TRMT13: variants seen among roughly 807,000 people sequenced by gnomAD.
TRMT13 encodes tRNA:m(4)X modification enzyme TRM13 homolog.
In TRMT13, 45 loss-of-function variants were observed where a neutral mutation model predicts 55.9. The ratio of observed to expected loss-of-function variants is 0.80; its 90% CI spans 0.63 to 1.03. The LOEUF (loss-of-function observed/expected upper bound fraction) is 1.03, where lower values mean the gene tolerates loss of function less well. Ranked by LOEUF, TRMT13 falls within the 50% of genes least tolerant of loss-of-function variation. The pLI, the probability that TRMT13 is intolerant of heterozygous loss-of-function variation, is 0.00. For synonymous variants in TRMT13, 183 were observed against 196.3 expected (o/e 0.93, Z 0.57); for missense variants, 513 against 563.9 (o/e 0.91, Z 0.91).
chr1:100,134,751 A>G (rs934378141), intron 1 of TRMT13, among the ~76,000 whole-genome samples: 58 of 152,376 alleles, frequency 3.8e-4, no homozygotes, highest in African/African-American at 1.3e-3. Flanking sequence ...ACAAATAGTG[A>G]TGATAGTAGA....
intron 8 of TRMT13, among the ~76,000 whole-genome samples, 173 bp from the exon 9 acceptor site, chr1:100,143,896 T>C (rs1439194141): frequency 6.6e-6 from 1 of 152,164 alleles, no homozygotes; most frequent in East Asian, 1.9e-4. Flanking sequence ...CTTTCTGATG[T>C]TATGAACCCT....
At position 100,139,669 on chromosome 1, in the gene TRMT13, T is replaced by C; in HGVS notation, c.282T>C (p.Ile94=). The C allele has an allele frequency of 6.5e-7, 1 of 1,543,170 alleles. No individual in the cohort carries two copies. The highest frequency in any genetic ancestry group is 1.1e-5 in the South Asian group (1 of 88,952). The change falls in exon 4 of 11, where the codon ATT becomes ATC. Residue 94 remains isoleucine (I), a synonymous_variant. Coordinates refer to ENST00000370141, the MANE Select transcript of TRMT13 (RefSeq NM_019083.3). ...TTAAGGATTTCTATATTCAAGATAT[T>C]AATGCAGGCTTAAGAGATGAAACAG... ...KPKPDFYIQD[I]NAGLRDETEI...
In TRMT13 at chr1:100,133,283, A is replaced by C. The variant is rs769352328; in HGVS notation, c.115A>C (p.Arg39=). Residue 39 remains arginine, a synonymous_variant, in exon 1 of 11, where the codon AGA becomes CGA. Coordinates refer to ENST00000370141, the MANE Select transcript of TRMT13 (RefSeq NM_019083.3). ...CAGGATGGTGGTGGCCGCAGGGAAA[A>C]GATTTTGTGGTGAACACGCTGGAGC... ...FCRMVVAAGK[R]FCGEHAGAAE... The C allele has an allele frequency of 5.0e-6, 8 of 1,613,980 alleles. No homozygotes were observed. In the Admixed American group the frequency reaches 6.7e-5, roughly 13 times the overall value.
chr1:100,133,479 A>G (rs1454453003), intron 1 of TRMT13, among the ~76,000 whole-genome samples, 164 bp downstream of exon 1: 1 of 152,098 alleles, frequency 6.6e-6, no homozygotes, highest in Admixed American at 6.5e-5. Context: ...CGGAGCGATT[A>G]TGAGTTCTAG....
At chr1:100,138,112 G>A (rs1473981933) in intron 3 of TRMT13, among the ~76,000 whole-genome samples, 1 of 152,182 alleles carries the variant, frequency 6.6e-6, no homozygotes, top group East Asian at 1.9e-4. Flanking sequence ...ATGGAGAAAA[G>A]CGGTGGAATG....
intron 1 of TRMT13, among the ~76,000 whole-genome samples, chr1:100,136,159 G>T (rs1655832487): frequency 6.6e-6 from 1 of 152,168 alleles, no homozygotes; most frequent in Non-Finnish European, 1.5e-5. Flanking sequence ...TGTAACTTAG[G>T]AATGAGTAGG....
Position 100,149,510 on chromosome 1 carries a change from ATACT to A in TRMT13, c.*694_*697del. The A allele has an allele frequency of 1.5e-6, 2 of 1,359,950 alleles. No individual in the cohort carries two copies. The highest frequency in any genetic ancestry group is 1.5e-5 in the African/African-American group (1 of 67,510). 84.2% of individuals were successfully genotyped at this position (1,359,950 alleles called of 1,614,324 possible). A position where few individuals can be genotyped will look rare whatever the true frequency, so the allele number is the denominator to read the frequency against. On this transcript the variant is annotated 3_prime_UTR_variant, in exon 11 of 11. Coordinates refer to ENST00000370141, the MANE Select transcript of TRMT13 (RefSeq NM_019083.3). ...TTGTCTAGTTAGAACTTCCAAAAAG[ATACT>A]TACAAACATAATTCACAAATTTGAA...
rs954096807 is a variant in TRMT13, at chr1:100,149,045, T to C, written c.*225T>C. The C allele has an allele frequency of 6.3e-7, 1 of 1,589,020 alleles. No homozygotes were observed. Among genetic ancestry groups the C allele is most frequent in the Non-Finnish European group, 8.5e-7 (1 of 1,170,710 alleles). On this transcript the variant is annotated 3_prime_UTR_variant, in exon 11 of 11. Transcript: ENST00000370141. ...TAGAAGGGCATCTTGAATTATATTA[T>C]CCATCCGTATTTATGGAGATTGGTA... is the stretch of plus-strand genomic sequence containing the variant.
rs749886415 is a variant in TRMT13, at chr1:100,140,512, C to T, written c.499C>T (p.Gln167Ter). ...TTCTGCAACCAAGCACCTGAAACAGCAGGTATGTTTAGGCTATAGTAACTA... is the reference window on the plus strand; with the variant it reads ...TTCTGCAACCAAGCACCTGAAACAGTAGGTATGTTTAGGCTATAGTAACTA... ...GDSATKHLKQ[Q>*]ASILGNIENL... Residue 167 changes from glutamine to a stop codon, truncating the protein, a stop_gained and splice_region_variant, in exon 6 of 11, where the codon CAG (glutamine) becomes TAG (stop). Transcript: ENST00000370141. LOFTEE classifies it high-confidence loss of function. The T allele has an allele frequency of 6.2e-7, 1 of 1,609,088 alleles. No homozygotes were observed. The highest frequency in any genetic ancestry group is 2.2e-5 in the East Asian group (1 of 44,842).
At chr1:100,144,165 G>A in intron 9 of TRMT13, 22 bp downstream of exon 9, 2 of 1,600,116 alleles carry the variant, frequency 1.2e-6, no homozygotes, top group Non-Finnish European at 1.7e-6. Context: ...TACTGATAAT[G>A]TTTACATTAA....
At chr1:100,148,417 A>G (rs1161241569) in intron 10 of TRMT13, 91 bp downstream of exon 10, 1 of 1,310,400 alleles carries the variant, frequency 7.6e-7, no homozygotes, top group African/African-American at 1.5e-5. Flanking sequence ...ATTCATGAAA[A>G]TGTATTTTAT....
At chr1:100,141,703 G>A (rs1254004049) in intron 7 of TRMT13, among the ~76,000 whole-genome samples, 1 of 152,188 alleles carries the variant, frequency 6.6e-6, no homozygotes, top group Non-Finnish European at 1.5e-5. Context: ...GTTAAAATAC[G>A]AGAAAGGTCT....
chr1:100,143,525 A>G lies in TRMT13; in HGVS notation c.742+316A>G, dbSNP rs1570743421. On this transcript the variant is annotated intron_variant, in intron 8 of 10. Coordinates refer to ENST00000370141, the MANE Select transcript of TRMT13 (RefSeq NM_019083.3). ...TTTGAGTCTGTTCAAACTATAAACT[A>G]GCCTTCTGCCTGCAGTTAACGTGAC... Among the ~76,000 whole-genome samples, 3 of 152,312 alleles carry G rather than the reference A, an allele frequency of 2.0e-5. 1 individual carries two copies. In the South Asian group the frequency reaches 6.2e-4, roughly 32 times the overall value.
intron 7 of TRMT13, among the ~76,000 whole-genome samples, chr1:100,142,015 A>G (rs1391066535): frequency 2.6e-5 from 4 of 152,234 alleles, no homozygotes; most frequent in African/African-American, 9.6e-5. Context: ...TATGCTAAGG[A>G]AGGAGTTTGA....
chr1:100,148,405 C>A, intron 10 of TRMT13, 79 bp downstream of exon 10: 1 of 1,350,638 alleles, frequency 7.4e-7, no homozygotes, highest in Non-Finnish European at 1.0e-6. Context: ...CTATTATCAA[C>A]AATTCATGAA....
At chr1:100,146,198 GA>G (rs1006900493) in intron 9 of TRMT13, among the ~76,000 whole-genome samples, 5 of 152,120 alleles carry the variant, frequency 3.3e-5, no homozygotes, top group African/African-American at 4.8e-5. Flanking sequence ...CCTTAAATAA[GA>G]TATGCCTCCT....
chr1:100,148,095 G>A lies in TRMT13; in HGVS notation c.1019G>A (p.Cys340Tyr). ...ATTGCACTCTGTTGTCACCACAGGT[G>A]TGATTGGAGACATTATGTGGGCAAA... ...IVIALCCHHRCDWRHYVGKEY... is the reference protein window; with the variant it reads ...IVIALCCHHRYDWRHYVGKEY... Residue 340 changes from cysteine to tyrosine, a missense_variant, in exon 10 of 11, where the codon TGT becomes TAT. This residue lies in a region of TRMT13 where 209 missense variants were observed against 255.8 expected (regional missense o/e 0.82). Coordinates refer to ENST00000370141, the MANE Select transcript of TRMT13 (RefSeq NM_019083.3). 1 of 1,614,224 alleles carries A rather than the reference G, an allele frequency of 6.2e-7. No homozygotes were observed. Among genetic ancestry groups the A allele is most frequent in the Non-Finnish European group, 8.5e-7 (1 of 1,180,040 alleles).
intron 1 of TRMT13, among the ~76,000 whole-genome samples, 176 bp downstream of exon 1, chr1:100,133,491 G>A (rs1242849168): frequency 6.6e-6 from 1 of 152,090 alleles, no homozygotes; most frequent in Admixed American, 6.5e-5. Flanking sequence ...GAGTTCTAGT[G>A]ATGAGAAATT....
rs1358305643 is a variant in TRMT13 at position 100,148,634 on chromosome 1, T to G, written c.1260T>G (p.Ser420Arg). 1 of 1,606,836 alleles carries G rather than the reference T, an allele frequency of 6.2e-7. No individual in the cohort carries two copies. Among genetic ancestry groups the G allele is most frequent in the Admixed American group, 1.7e-5 (1 of 57,946 alleles). Residue 420 changes from serine to arginine, a missense_variant, in exon 11 of 11, where the codon AGT becomes AGG. Ser to Arg is a moderately radical substitution (Grantham distance 110). Around this residue, in one of 3 missense-constraint regions of TRMT13, gnomAD observed 209 missense variants for 255.8 expected, o/e 0.82. Coordinates refer to ENST00000370141, the MANE Select transcript of TRMT13 (RefSeq NM_019083.3). ...DGADCLPGLLSVEEKKKIGHL... is the reference protein window; with the variant it reads ...DGADCLPGLLRVEEKKKIGHL... ...TGTTTATTCAATTTAGGCTTCTTAG[T>G]GTTGAAGAAAAGAAGAAAATAGGGC...
Sources: allele counts gnomAD v4.1 joint callset (sites outside exome capture counted in the v4.1 genomes callset), GRCh38; gene constraint gnomAD v4.1.1; regional missense constraint gnomAD v4.1.1; transcripts MANE v1.5; gene names NCBI Gene and HGNC (gene_info 2026-07-23, HGNC 2026-07-21).